Variants in TTC27 observed in about 807,000 individuals in gnomAD.
The protein encoded by TTC27 is tetratricopeptide repeat domain 27.
A neutral mutation model predicts 115.9 loss-of-function variants in TTC27; 79 were observed. The ratio of observed to expected loss-of-function variants is 0.68; its 90% CI spans 0.57 to 0.82. The LOEUF (loss-of-function observed/expected upper bound fraction) is 0.82. TTC27 is among the 40% of genes least tolerant of loss of function. TTC27 has a pLI of 0.00. For synonymous variants in TTC27, 401 were observed against 356.0 expected, an observed-to-expected ratio of 1.13 and a Z score of -1.42; for missense variants, 1,054 against 993.1, an observed-to-expected ratio of 1.06 and a Z score of -0.82.
intron 12 of TTC27, among the ~76,000 whole-genome samples, chr2:32,748,310 T>G (rs1016429675): frequency 3.3e-5 from 5 of 152,236 alleles, no homozygotes; most frequent in African/African-American, 1.2e-4. Flanking sequence ...TTTCTATGAC[T>G]TCAGTCTTTC....
At chr2:32,752,581 C>G (rs960370830) in intron 12 of TTC27, among the ~76,000 whole-genome samples, 35 of 152,312 alleles carry the variant, frequency 2.3e-4, no homozygotes, top group African/African-American at 7.9e-4. Context: ...TGGTTAGAAT[C>G]TCTTTTACCA....
chr2:32,688,885 T>C (rs948178431), intron 9 of TTC27, among the ~76,000 whole-genome samples: 1 of 152,060 alleles, frequency 6.6e-6, no homozygotes, highest in Non-Finnish European at 1.5e-5. Context: ...GAAATGAAAG[T>C]ATATGTCCTC....
intron 13 of TTC27, among the ~76,000 whole-genome samples, chr2:32,775,607 T>C (rs1191537117): frequency 1.8e-4 from 28 of 152,198 alleles, no homozygotes; most frequent in Admixed American, 1.8e-3. Flanking sequence ...GTTCTCATTG[T>C]TCTTGATTTA....
At chr2:32,713,112 G>A (rs1405279192) in intron 10 of TTC27, among the ~76,000 whole-genome samples, 1 of 151,932 alleles carries the variant, frequency 6.6e-6, no homozygotes, top group Non-Finnish European at 1.5e-5. Context: ...CTCTGCCATG[G>A]GATGATGCAG....
At chr2:32,701,921 G>A (rs1667197194) in intron 9 of TTC27, among the ~76,000 whole-genome samples, 1 of 151,714 alleles carries the variant, frequency 6.6e-6, no homozygotes, top group Non-Finnish European at 1.5e-5. Flanking sequence ...TGAGGTGGGA[G>A]GATTGCATGA....
chr2:32,711,220 C>T (rs899542060), intron 10 of TTC27, among the ~76,000 whole-genome samples: 2 of 151,468 alleles, frequency 1.3e-5, no homozygotes, highest in Non-Finnish European at 2.9e-5. Context: ...ATTTGGGGTT[C>T]GTTCATTTTG....
Position 32,678,942 on chromosome 2 carries a change from C to T in TTC27, c.1119+20C>T, listed in dbSNP as rs750450414. On this transcript the variant is annotated intron_variant, in intron 9 of 19. Coordinates refer to ENST00000317907, the MANE Select transcript of TTC27 (RefSeq NM_017735.5). ...ACATCAGTGAGTAATGTCTTTTTCTCTTCCATTTCATTTTTTTCCTGGTAA... is the reference window on the plus strand; with the variant it reads ...ACATCAGTGAGTAATGTCTTTTTCTTTTCCATTTCATTTTTTTCCTGGTAA... 1 of 1,606,090 alleles carries T rather than the reference C, an allele frequency of 6.2e-7. No homozygotes were observed. Among genetic ancestry groups the T allele is most frequent in the Non-Finnish European group, 8.5e-7 (1 of 1,173,744 alleles).
intron 8 of TTC27, among the ~76,000 whole-genome samples, chr2:32,677,032 T>C (rs1045769641): frequency 5.9e-5 from 9 of 152,086 alleles, no homozygotes; most frequent in Non-Finnish European, 1.2e-4. Context: ...AATCTAATGT[T>C]TGTCATTTTC....
chr2:32,758,100 T>G (rs904645867), intron 12 of TTC27, among the ~76,000 whole-genome samples, 192 bp from the exon 13 acceptor site: 3 of 152,182 alleles, frequency 2.0e-5, no homozygotes, highest in African/African-American at 7.2e-5. Context: ...ACCCGCAATA[T>G]CTCTGAGGTA....
chr2:32,738,242 C>G (rs1246222861), intron 12 of TTC27, among the ~76,000 whole-genome samples: 1 of 152,140 alleles, frequency 6.6e-6, no homozygotes, highest in African/African-American at 2.4e-5. Flanking sequence ...CTGCTTCATG[C>G]TAGCTTTGTG....
intron 5 of TTC27, among the ~76,000 whole-genome samples, chr2:32,655,853 C>T (rs1431113388): frequency 6.6e-6 from 1 of 151,636 alleles, no homozygotes; most frequent in Non-Finnish European, 1.5e-5. Flanking sequence ...CTGTACTATT[C>T]AATATGGTAG....
chr2:32,706,186 G>A (rs1219932335), intron 10 of TTC27, among the ~76,000 whole-genome samples: 2 of 137,754 alleles, frequency 1.5e-5, no homozygotes, highest in Non-Finnish European at 3.0e-5. Context: ...GGGTTCAAAC[G>A]ATTCTCCTGC....
chr2:32,732,573 T>G (rs1017583166), intron 10 of TTC27, among the ~76,000 whole-genome samples: 2 of 152,224 alleles, frequency 1.3e-5, no homozygotes, highest in African/African-American at 2.4e-5. Flanking sequence ...TCCTGAGGCT[T>G]GGACTTGCTC....
rs970361882 is a variant in TTC27 at position 32,689,859 on chromosome 2, A to G, written c.1119+10937A>G. Among the ~76,000 whole-genome samples the G allele has an allele frequency of 3.9e-5, 6 of 152,346 alleles. No homozygotes were observed. In the East Asian group the frequency reaches 7.7e-4, roughly 20 times the overall value. Reference sequence around the variant, plus strand: ...AATTGAAATAAAGTGAAGTATTAATATATGATTTCTAGCAACTTGTGTTAA... The same window carrying G: ...AATTGAAATAAAGTGAAGTATTAATGTATGATTTCTAGCAACTTGTGTTAA... On this transcript the variant is annotated intron_variant, in intron 9 of 19. Transcript: ENST00000317907.
chr2:32,664,296 C>A lies in TTC27; in HGVS notation c.641-7C>A. On this transcript the variant is annotated splice_polypyrimidine_tract_variant and splice_region_variant and intron_variant, in intron 5 of 19. Transcript: ENST00000317907. ...TAACTTTTAATGTTTTATCTTTTGTCTTGCAGTGATGAAACTACAGAATCT... is the reference window on the plus strand; with the variant it reads ...TAACTTTTAATGTTTTATCTTTTGTATTGCAGTGATGAAACTACAGAATCT... 6.3e-7 allele frequency: 1 copy of A among 1,586,718 alleles called. No homozygotes were observed. Among genetic ancestry groups the A allele is most frequent in the South Asian group, 1.2e-5 (1 of 86,226 alleles).
At chr2:32,760,500 A>G (rs1230636863) in intron 13 of TTC27, among the ~76,000 whole-genome samples, 2 of 152,180 alleles carry the variant, frequency 1.3e-5, no homozygotes, top group African/African-American at 4.8e-5. Context: ...AGCCCCCACA[A>G]TAAAGATTAT....
chr2:32,702,962 C>A (rs1026393236), intron 10 of TTC27, 42 bp downstream of exon 10: 2 of 1,341,530 alleles, frequency 1.5e-6, no homozygotes, highest in South Asian at 2.4e-5. Context: ...TTCCAACTCT[C>A]TATTGCTATC....
At chr2:32,644,120 G>A (rs1664756483) in intron 4 of TTC27, among the ~76,000 whole-genome samples, 1 of 148,322 alleles carries the variant, frequency 6.7e-6, no homozygotes, top group Non-Finnish European at 1.5e-5. Flanking sequence ...GGCAGAGTTT[G>A]CAGTGAATCG....
At chr2:32,796,335 G>A (rs1460711200) in intron 16 of TTC27, among the ~76,000 whole-genome samples, 1 of 152,134 alleles carries the variant, frequency 6.6e-6, no homozygotes, top group African/African-American at 2.4e-5. Flanking sequence ...TCATGTTCAT[G>A]GATTGAAAAA....
Sources: allele counts gnomAD v4.1 joint callset (sites outside exome capture counted in the v4.1 genomes callset), GRCh38; gene constraint gnomAD v4.1.1; transcripts MANE v1.5; gene names NCBI Gene and HGNC (gene_info 2026-07-23, HGNC 2026-07-21).